The following TMEM131 variants were observed in gnomAD, a reference collection of about 807,000 sequenced individuals.
The protein encoded by TMEM131 is 2610524E03Rik.
A neutral mutation model predicts 211.6 loss-of-function variants in TMEM131; 66 were observed. The ratio of observed to expected loss-of-function variants is 0.31; its 90% CI spans 0.26 to 0.38. The LOEUF is 0.38. TMEM131 is among the 10% of genes least tolerant of loss of function. TMEM131 has a pLI of 1.00. For missense variants in TMEM131, 2,036 were observed against 2,299.3 expected (o/e 0.89, Z 2.34); for synonymous variants, 844 against 841.3 (o/e 1.00, Z -0.06).
At chr2:97,938,082 T>C (rs1418406815) in intron 1 of TMEM131, among the ~76,000 whole-genome samples, 3 of 152,124 alleles carry the variant, frequency 2.0e-5, no homozygotes, top group Non-Finnish European at 4.4e-5. Context: ...TCATGCCAAA[T>C]TGTAAAGACC....
intron 1 of TMEM131, among the ~76,000 whole-genome samples, chr2:97,932,159 A>G (rs1260765390): frequency 6.8e-6 from 1 of 147,316 alleles, no homozygotes; most frequent in Non-Finnish European, 1.5e-5. Flanking sequence ...AAAAAAAAAA[A>G]GACACTGCTA....
At chr2:97,868,840 G>A (rs1395496182) in intron 4 of TMEM131, among the ~76,000 whole-genome samples, 3 of 152,152 alleles carry the variant, frequency 2.0e-5, no homozygotes, top group African/African-American at 7.2e-5. Context: ...TCTTGCCTCC[G>A]TGGAGACTCA....
chr2:97,991,101 A>T (rs1334577413), intron 1 of TMEM131, among the ~76,000 whole-genome samples: 1 of 152,196 alleles, frequency 6.6e-6, no homozygotes, highest in African/African-American at 2.4e-5. Context: ...CCCACTTCAC[A>T]ATGAAATTAT....
At chr2:97,886,842 C>T (rs13008678) in intron 4 of TMEM131, among the ~76,000 whole-genome samples, 56,870 of 152,054 alleles carry the variant, frequency 0.37, 11,764 homozygotes, top group African/African-American at 0.52. Flanking sequence ...TGCTTTGTGA[C>T]GTGTGGATTT....
intron 4 of TMEM131, 68 bp downstream of exon 4, chr2:97,887,984 A>T: frequency 7.9e-7 from 1 of 1,265,934 alleles, no homozygotes; most frequent in Non-Finnish European, 1.1e-6. Context: ...GCAAAAGACA[A>T]GACAAATGCA....
At chr2:97,899,467 T>C (rs1036711306) in intron 3 of TMEM131, among the ~76,000 whole-genome samples, 4 of 152,146 alleles carry the variant, frequency 2.6e-5, no homozygotes, top group Admixed American at 1.3e-4. Flanking sequence ...AATATAAGCA[T>C]GGCTCTTAAA....
rs766895832 is a variant in TMEM131 at position 97,805,422 on chromosome 2, T to A, written c.2238A>T (p.Leu746=). 3 of 1,613,954 alleles carry A rather than the reference T, an allele frequency of 1.9e-6. No individual in the cohort carries two copies. The South Asian group carries it at 3.3e-5, about 18-fold the overall frequency. ...CAACATAGCAATGATCCCCACACTGTAGTCCAGGATCAAAATAAATGTTTG... is the reference window on the plus strand; with the variant it reads ...CAACATAGCAATGATCCCCACACTGAAGTCCAGGATCAAAATAAATGTTTG... ...KIANIYFDPG[L]QCGDHCYVGL... is the part of the protein sequence containing the mutation. The change falls in exon 21 of 41, where the codon CTA becomes CTT. Residue 746 remains leucine, a synonymous_variant. Transcript: ENST00000186436.
At position 97,831,664 on chromosome 2, in the gene TMEM131, CTT is replaced by C. The variant is rs11378393; in HGVS notation, c.1074+1699_1074+1700del. Among the ~76,000 whole-genome samples, 10 of 80,628 alleles carry C rather than the reference CTT, an allele frequency of 1.2e-4. 1 individual carries two copies. Among genetic ancestry groups the C allele is most frequent in the African/African-American group, 4.0e-4 (8 of 19,786 alleles). 52.9% of individuals were successfully genotyped at this position (80,628 alleles called of 152,430 possible). A position where few individuals can be genotyped will look rare whatever the true frequency, so the allele number is the denominator to read the frequency against. On this transcript the variant is annotated intron_variant, in intron 11 of 40. Transcript: ENST00000186436. Reference sequence around the variant, plus strand: ...ATATACTTTCATGTTTCACATACCTCTTTTTTTTTTTTTTTTTTTTTTTTTGA... The same window carrying C: ...ATATACTTTCATGTTTCACATACCTCTTTTTTTTTTTTTTTTTTTTTTTGA...
At chr2:97,847,896 A>C (rs1683524664) in intron 5 of TMEM131, among the ~76,000 whole-genome samples, 1 of 152,178 alleles carries the variant, frequency 6.6e-6, no homozygotes, top group Admixed American at 6.5e-5. Context: ...GAACATTATA[A>C]AAAAAACTCA....
Position 97,795,267 on chromosome 2 carries a change from T to C in TMEM131, c.3201-152A>G, listed in dbSNP as rs773648277. Among the ~76,000 whole-genome samples, 8 of 151,864 alleles carry C rather than the reference T, an allele frequency of 5.3e-5. No homozygotes were observed. In the East Asian group the frequency reaches 1.3e-3, roughly 26 times the overall value. On this transcript the variant is annotated intron_variant, in intron 28 of 40. Transcript: ENST00000186436. ...TCCGTATTTTAAGATGAAAAAAGTA[T>C]TGTCCCATGGTCAGTAATAGGAACA...
At chr2:97,950,301 TATA>T (rs1390582000) in intron 1 of TMEM131, among the ~76,000 whole-genome samples, 1 of 152,218 alleles carries the variant, frequency 6.6e-6, no homozygotes, top group Non-Finnish European at 1.5e-5. Context: ...AATACATACA[TATA>T]TAAAGATTTA....
intron 1 of TMEM131, among the ~76,000 whole-genome samples, chr2:97,957,096 C>CAA (rs34518893): frequency 1.4e-3 from 165 of 116,326 alleles, no homozygotes; most frequent in Middle Eastern, 4.5e-3. Flanking sequence ...GACTCCGTCT[C>CAA]AAAAAAAAAA....
intron 13 of TMEM131, among the ~76,000 whole-genome samples, chr2:97,814,678 T>G (rs535937145): frequency 6.6e-6 from 1 of 152,346 alleles, no homozygotes; most frequent in African/African-American, 2.4e-5. Context: ...AAATCATGCT[T>G]ATCACTGAAT....
rs183615320 is a variant in TMEM131 at position 97,781,313 on chromosome 2, T to C, written c.4145-5295A>G. 2.8e-3 allele frequency among the ~76,000 whole-genome samples: 424 copies of C among 152,340 alleles called. 2 individuals carry two copies. Among genetic ancestry groups the C allele is most frequent in the African/African-American group, 9.5e-3 (396 of 41,586 alleles). On this transcript the variant is annotated intron_variant, in intron 31 of 40. Transcript: ENST00000186436. ...GTTTAGCCTTCTCAACAGTGAAATA[T>C]ACCAATGCTGTGACCTGCTCTGAGA... is the stretch of plus-strand genomic sequence containing the variant.
intron 38 of TMEM131, 84 bp from the exon 39 acceptor site, chr2:97,759,833 C>A: frequency 1.1e-6 from 1 of 926,736 alleles, no homozygotes; most frequent in Admixed American, 2.0e-5. Flanking sequence ...GCTTCACAAA[C>A]AGGAGACACT....
At position 97,818,727 on chromosome 2, in the gene TMEM131, A is replaced by G. The variant is rs1233611383; in HGVS notation, c.1075-6T>C. ...TGTGGTGTAGGTCGAACACTCTGCA[A>G]AGAGAACAAAAATACATACATGGCA... On this transcript the variant is annotated splice_polypyrimidine_tract_variant and splice_region_variant and intron_variant, in intron 11 of 40. Transcript: ENST00000186436. The G allele has an allele frequency of 3.2e-6, 5 of 1,555,288 alleles. No individual in the cohort carries two copies. Among genetic ancestry groups the G allele is most frequent in the Middle Eastern group, 3.3e-4 (2 of 5,974 alleles).
chr2:97,838,031 T>C (rs1683012162), intron 7 of TMEM131, among the ~76,000 whole-genome samples: 2 of 152,224 alleles, frequency 1.3e-5, no homozygotes, highest in Admixed American at 6.5e-5. Flanking sequence ...TATTTTGAGG[T>C]CTACCACTTT....
intron 1 of TMEM131, among the ~76,000 whole-genome samples, chr2:97,954,963 C>T (rs1678500288): frequency 6.6e-6 from 1 of 151,778 alleles, no homozygotes; most frequent in Non-Finnish European, 1.5e-5. Flanking sequence ...AGAACATTTC[C>T]CAACTCATCT....
At chr2:97,930,288 G>C (rs1360191736) in intron 1 of TMEM131, among the ~76,000 whole-genome samples, 5 of 151,764 alleles carry the variant, frequency 3.3e-5, no homozygotes, top group East Asian at 1.9e-4. Context: ...CCAATAGAAC[G>C]ACCACTGAAT....
Sources: allele counts gnomAD v4.1 joint callset (sites outside exome capture counted in the v4.1 genomes callset), GRCh38; gene constraint gnomAD v4.1.1; transcripts MANE v1.5; gene names NCBI Gene and HGNC (gene_info 2026-07-23, HGNC 2026-07-21).